KDM4C: variants seen among roughly 807,000 people sequenced by gnomAD.
KDM4C encodes lysine demethylase 4C.
KDM4C carries 81 observed loss-of-function variants against 129.3 expected under a neutral mutation model. That is an observed-to-expected ratio of 0.63 (90% CI 0.52 to 0.75). The LOEUF (loss-of-function observed/expected upper bound fraction) is 0.75, where lower values mean the gene tolerates loss of function less well. Among genes scored for constraint, KDM4C ranks in the 30% least tolerant of loss-of-function variants. KDM4C has a pLI of 0.00. For missense variants in KDM4C, 1,457 were observed against 1,304.0 expected (o/e 1.12, Z -1.81); for synonymous variants, 573 against 456.1 (o/e 1.26, Z -3.26).
chr9:7,104,514 G>C (rs1382380728), intron 18 of KDM4C, among the ~76,000 whole-genome samples: 1 of 152,162 alleles, frequency 6.6e-6, no homozygotes, highest in Admixed American at 6.5e-5. Context: ...TCTGGGAAAA[G>C]TGTTTGCAAC....
intron 15 of KDM4C, among the ~76,000 whole-genome samples, chr9:7,040,091 T>C (rs1828301837): frequency 6.6e-6 from 1 of 152,106 alleles, no homozygotes; most frequent in Non-Finnish European, 1.5e-5. Context: ...TTTACATTTT[T>C]GAATGAGCAC....
intron 8 of KDM4C, among the ~76,000 whole-genome samples, chr9:6,949,625 G>A (rs895483195): frequency 6.6e-6 from 1 of 152,210 alleles, no homozygotes; most frequent in Admixed American, 6.5e-5. Flanking sequence ...GATCACTCGC[G>A]GTTAGGAGCT....
rs140545204 is a variant in KDM4C at position 6,729,469 on chromosome 9, G to T, written c.49+8472G>T. Among the ~76,000 whole-genome samples the T allele has an allele frequency of 3.2e-3, 394 of 124,152 alleles. 94 individuals are homozygous for T. The highest frequency in any genetic ancestry group is 0.013 in the African/African-American group (377 of 27,994). The allele number at this position is 124,152 out of a possible 152,430, so 81.4% of individuals were successfully genotyped here. On this transcript the variant is annotated intron_variant, in intron 1 of 17. Coordinates refer to the KDM4C transcript ENST00000536108. ...GGTGGGAGGACTGCTTGAGCCCAGG[G>T]GAGTGGGGCGGAGGTTGCAGTGAGC...
chr9:7,128,348 G>T (rs541370795), intron 19 of KDM4C, 112 bp downstream of exon 19: 7 of 707,900 alleles, frequency 9.9e-6, no homozygotes, highest in Middle Eastern at 3.9e-4. Context: ...TCATTCACTT[G>T]GTTCATAGAC....
intron 12 of KDM4C, among the ~76,000 whole-genome samples, chr9:6,993,757 ATTTC>A (rs1486793401): frequency 6.6e-6 from 1 of 152,042 alleles, no homozygotes; most frequent in Non-Finnish European, 1.5e-5. Flanking sequence ...CTGCGGCAGT[ATTTC>A]TTTCTTTCTT....
At chr9:7,135,518 GC>G (rs1375093042) in intron 19 of KDM4C, among the ~76,000 whole-genome samples, 3 of 152,138 alleles carry the variant, frequency 2.0e-5, no homozygotes, top group Non-Finnish European at 2.9e-5. Context: ...TCATGGGTGA[GC>G]CTGCTTAAAC....
chr9:7,122,632 T>C (rs552262301), intron 18 of KDM4C, among the ~76,000 whole-genome samples: 13 of 152,314 alleles, frequency 8.5e-5, no homozygotes, highest in Non-Finnish European at 1.8e-4. Flanking sequence ...TATGGACATA[T>C]GCTGGAAACT....
chr9:6,981,219 A>C (rs1816716835), intron 9 of KDM4C, 101 bp downstream of exon 9: 3 of 863,332 alleles, frequency 3.5e-6, no homozygotes, highest in South Asian at 4.0e-5. Context: ...CTATTTATTC[A>C]TCATAACTTA....
chr9:7,077,354 G>GA (rs1225976101), intron 17 of KDM4C: 16 of 340,402 alleles, frequency 4.7e-5, no homozygotes, highest in Non-Finnish European at 6.2e-5. Flanking sequence ...AACTACGGCT[G>GA]AAAAAAAAGT....
chr9:7,006,829 G>A (rs1441987760), intron 12 of KDM4C, among the ~76,000 whole-genome samples: 1 of 152,106 alleles, frequency 6.6e-6, no homozygotes, highest in Non-Finnish European at 1.5e-5. Context: ...GGGTCTAAGT[G>A]AGAATGAATA....
intron 8 of KDM4C, among the ~76,000 whole-genome samples, chr9:6,974,083 C>T (rs898817346): frequency 6.6e-6 from 1 of 152,300 alleles, no homozygotes; most frequent in East Asian, 1.9e-4. Flanking sequence ...CCCTTTTCCC[C>T]CAGTTACTAT....
rs529927744 is a variant in KDM4C at position 6,769,314 on chromosome 9, G to T, written c.-18+11111G>T. On this transcript the variant is annotated intron_variant, in intron 1 of 21. Coordinates refer to ENST00000381309, the MANE Select transcript of KDM4C (RefSeq NM_015061.6). The stretch of plus-strand genomic sequence containing the variant: ...GGAGAGAAGATTTGTTCCTTATTTA[G>T]TGGGCTTTGGTGTGATCTTTTTCCT... Among the ~76,000 whole-genome samples, 13 of 151,932 alleles carry T rather than the reference G, an allele frequency of 8.6e-5. No homozygotes were observed. In the South Asian group the frequency reaches 2.7e-3, roughly 32 times the overall value.
intron 1 of KDM4C, among the ~76,000 whole-genome samples, chr9:6,762,543 G>A (rs1046072741): frequency 2.0e-5 from 3 of 150,818 alleles, no homozygotes; most frequent in Non-Finnish European, 4.4e-5. Flanking sequence ...CTTTTTTATC[G>A]CTACAAATGT....
intron 8 of KDM4C, among the ~76,000 whole-genome samples, chr9:6,972,572 T>C (rs1200213238): frequency 1.3e-4 from 20 of 152,228 alleles, no homozygotes; most frequent in Admixed American, 1.3e-3. Flanking sequence ...TTTAAAAGAC[T>C]GTTAAATATT....
intron 1 of KDM4C, among the ~76,000 whole-genome samples, chr9:6,729,097 C>T (rs1294736035): frequency 3.5e-5 from 5 of 143,924 alleles, no homozygotes; most frequent in African/African-American, 5.2e-5. Context: ...CCCAGCTACT[C>T]GGGAGGCTGA....
At chr9:6,731,022 C>CCTGTG (rs1391774295) in intron 1 of KDM4C, among the ~76,000 whole-genome samples, 1 of 152,196 alleles carries the variant, frequency 6.6e-6, no homozygotes, top group African/African-American at 2.4e-5. Context: ...CCTTAGTTCG[C>CCTGTG]TTTAACAATC....
At chr9:7,116,523 G>A (rs144690459) in intron 18 of KDM4C, among the ~76,000 whole-genome samples, 15 of 152,170 alleles carry the variant, frequency 9.9e-5, no homozygotes, top group Middle Eastern at 6.8e-3. Context: ...CTGCCCCCAC[G>A]TGAACCCCAT....
chr9:6,798,187 T>C (rs1444140720), intron 2 of KDM4C, among the ~76,000 whole-genome samples: 1 of 152,222 alleles, frequency 6.6e-6, no homozygotes, highest in Non-Finnish European at 1.5e-5. Flanking sequence ...TTGTGTGCCT[T>C]GCTTCTCTGT....
rs1818712684 is a variant in KDM4C, at chr9:6,758,463, G to T, written c.-18+260G>T. Among the ~76,000 whole-genome samples, 1 of 152,228 alleles carries T rather than the reference G, an allele frequency of 6.6e-6. No individual in the cohort carries two copies. Among genetic ancestry groups the T allele is most frequent in the South Asian group, 2.1e-4 (1 of 4,836 alleles). On this transcript the variant is annotated intron_variant, in intron 1 of 21. Transcript: ENST00000381309. This position sits in a 1 kb window ranked among gnomAD's most constrained non-coding sequence, Gnocchi z 4.6. Reference sequence around the variant, plus strand: ...CCGAGGTTCGGTACCCGCGCTCGCCGTTTTCCCGGGATCCGGAGTCGGGGT... The same window carrying T: ...CCGAGGTTCGGTACCCGCGCTCGCCTTTTTCCCGGGATCCGGAGTCGGGGT...
Sources: allele counts gnomAD v4.1 joint callset (sites outside exome capture counted in the v4.1 genomes callset), GRCh38; gene constraint gnomAD v4.1.1; non-coding constraint Gnocchi (gnomAD v3.1); transcripts MANE v1.5; gene names NCBI Gene and HGNC (gene_info 2026-07-23, HGNC 2026-07-21).